PTPRD: variants seen among roughly 807,000 people sequenced by gnomAD.
PTPRD encodes the protein protein tyrosine phosphatase receptor type D, also known as receptor-type tyrosine-protein phosphatase delta.
In PTPRD, 34 loss-of-function variants were observed where a neutral mutation model predicts 214.5. That is an observed-to-expected ratio of 0.16 (90% CI 0.12 to 0.21). PTPRD has a LOEUF of 0.21. PTPRD is among the 10% of genes least tolerant of loss of function. The pLI, the probability that PTPRD is intolerant of heterozygous loss-of-function variation, is 1.00. For missense variants in PTPRD, 2,545 were observed against 2,398.7 expected (o/e 1.06, Z -1.27); for synonymous variants, 1,128 against 845.7 (o/e 1.33, Z -5.79).
chr9:8,915,349 C>A (rs892380382), intron 11 of PTPRD, among the ~76,000 whole-genome samples: 7 of 152,036 alleles, frequency 4.6e-5, no homozygotes, highest in African/African-American at 1.7e-4. Flanking sequence ...AAAGACAGAA[C>A]TCTGGTGGTG....
intron 3 of PTPRD, among the ~76,000 whole-genome samples, chr9:10,229,873 A>T (rs1483917302): frequency 3.3e-5 from 5 of 152,008 alleles, no homozygotes; most frequent in Non-Finnish European, 7.4e-5. Context: ...GATAAAAACA[A>T]AACAAGAAAA....
intron 5 of PTPRD, among the ~76,000 whole-genome samples, chr9:9,923,123 G>GTGTGTGT (rs1555340190): frequency 0.036 from 5,248 of 145,010 alleles, 350 homozygotes; most frequent in African/African-American, 0.12. Context: ...GTGTGTGGGG[G>GTGTGTGT]GTGTGTGTGT....
At chr9:9,529,275 A>C (rs80068500) in intron 8 of PTPRD, among the ~76,000 whole-genome samples, 1,670 of 151,708 alleles carry the variant, frequency 0.011, 21 homozygotes, top group African/African-American at 0.035. Flanking sequence ...CTCCAAACAA[A>C]AAAAAAAAAT....
intron 2 of PTPRD, among the ~76,000 whole-genome samples, chr9:10,536,573 T>G (rs2057845328): frequency 6.6e-6 from 1 of 152,056 alleles, no homozygotes; most frequent in Non-Finnish European, 1.5e-5. Context: ...ACAAGTAGAG[T>G]TAGAATGGCT....
intron 4 of PTPRD, among the ~76,000 whole-genome samples, chr9:9,956,741 G>T (rs1310221512): frequency 6.6e-6 from 1 of 152,110 alleles, no homozygotes; most frequent in African/African-American, 2.4e-5. Flanking sequence ...AATAGAGACA[G>T]ATCAATGTAT....
intron 35 of PTPRD, among the ~76,000 whole-genome samples, chr9:8,407,312 T>C (rs537092671): frequency 6.6e-6 from 1 of 152,326 alleles, no homozygotes; most frequent in Admixed American, 6.5e-5. Flanking sequence ...GTATTGTTTT[T>C]TTCCATTTGG....
chr9:10,547,377 A>C (rs7047260), intron 2 of PTPRD, among the ~76,000 whole-genome samples: 144 of 151,960 alleles, frequency 9.5e-4, no homozygotes, highest in African/African-American at 3.3e-3. Context: ...GCAAAACTTT[A>C]GCACCAAAAC....
rs548267860 is a variant in PTPRD at position 10,508,918 on chromosome 9, A to G, written c.-600+103480T>C. Among the ~76,000 whole-genome samples, 3 of 152,260 alleles carry G rather than the reference A, an allele frequency of 2.0e-5. No homozygotes were observed. In the East Asian group the frequency reaches 5.8e-4, roughly 29 times the overall value. On this transcript the variant is annotated intron_variant, in intron 2 of 45. Transcript: ENST00000381196. ...TGTAACAAACCTGCACTTTGTGCAC[A>G]TGTACCCTAGAACTTAGAGTATAAT...
intron 9 of PTPRD, among the ~76,000 whole-genome samples, chr9:9,186,483 C>T (rs527576843): frequency 6.6e-6 from 1 of 151,996 alleles, no homozygotes; most frequent in Non-Finnish European, 1.5e-5. Context: ...TTGTGGCATG[C>T]ACTTGTAGTC....
chr9:8,807,954 T>A (rs903497915), intron 11 of PTPRD, among the ~76,000 whole-genome samples: 1 of 152,216 alleles, frequency 6.6e-6, no homozygotes, highest in African/African-American at 2.4e-5. Context: ...CACTCTTGTA[T>A]GTTAAGTTCT....
chr9:10,177,532 G>C (rs1485584740), intron 3 of PTPRD, among the ~76,000 whole-genome samples: 5 of 151,528 alleles, frequency 3.3e-5, no homozygotes, highest in Non-Finnish European at 7.4e-5. Context: ...CAAATGGAAA[G>C]ATAGGCGGGA....
chr9:9,613,131 CATACAT>C (rs1165162109), intron 7 of PTPRD, among the ~76,000 whole-genome samples: 711 of 40,902 alleles, frequency 0.017, 51 homozygotes, highest in East Asian at 0.041. Flanking sequence ...AGTATACATA[CATACAT>C]ATATATATAT....
At chr9:9,451,163 T>C (rs2092069578) in intron 8 of PTPRD, among the ~76,000 whole-genome samples, 1 of 151,720 alleles carries the variant, frequency 6.6e-6, no homozygotes, top group Non-Finnish European at 1.5e-5. Context: ...TCTGTTTATA[T>C]AAGGTGCAAT....
intron 5 of PTPRD, among the ~76,000 whole-genome samples, chr9:9,872,895 C>G (rs2065869313): frequency 1.3e-5 from 2 of 152,056 alleles, no homozygotes; most frequent in Non-Finnish European, 1.5e-5. Flanking sequence ...TCAATCATAT[C>G]CGCAAGCAGA....
chr9:9,048,237 GT>G (rs2099677166), intron 10 of PTPRD, among the ~76,000 whole-genome samples: 1 of 152,154 alleles, frequency 6.6e-6, no homozygotes, highest in South Asian at 2.1e-4. Context: ...ACAGAGAGCA[GT>G]TTGGAGGTTC....
intron 14 of PTPRD, among the ~76,000 whole-genome samples, chr9:8,546,182 G>C (rs1411565013): frequency 6.6e-6 from 1 of 152,158 alleles, no homozygotes; most frequent in African/African-American, 2.4e-5. Flanking sequence ...ATTAGCTGAA[G>C]TTATGCAATT....
At chr9:9,867,013 A>G (rs1196447098) in intron 5 of PTPRD, among the ~76,000 whole-genome samples, 18 of 152,140 alleles carry the variant, frequency 1.2e-4, no homozygotes, top group Non-Finnish European at 2.4e-4. Context: ...TATAGTATTC[A>G]AACTTAGTAC....
chr9:10,474,574 CAA>C (rs920627195), intron 2 of PTPRD, among the ~76,000 whole-genome samples: 2 of 151,612 alleles, frequency 1.3e-5, no homozygotes, highest in Non-Finnish European at 3.0e-5. Flanking sequence ...AATATTAGAT[CAA>C]AGAGGCAGAA....
chr9:10,586,042 T>C (rs2073784344), intron 2 of PTPRD, among the ~76,000 whole-genome samples: 1 of 152,060 alleles, frequency 6.6e-6, no homozygotes, highest in Admixed American at 6.6e-5. Flanking sequence ...TTAATATATT[T>C]ATTTGAAGCT....
Sources: allele counts gnomAD v4.1 joint callset (sites outside exome capture counted in the v4.1 genomes callset), GRCh38; gene constraint gnomAD v4.1.1; transcripts MANE v1.5; gene names NCBI Gene and HGNC (gene_info 2026-07-23, HGNC 2026-07-21).